The following FAM135B variants were observed in gnomAD, a reference collection of about 807,000 sequenced individuals.
The protein encoded by FAM135B is protein FAM135B.
FAM135B carries 43 observed loss-of-function variants against 127.7 expected under a neutral mutation model. The ratio of observed to expected loss-of-function variants is 0.34; its 90% CI spans 0.26 to 0.43. FAM135B has a LOEUF of 0.43. Among genes scored for constraint, FAM135B ranks in the 20% least tolerant of loss-of-function variants. The pLI, the probability that FAM135B is intolerant of heterozygous loss-of-function variation, is 1.00. For missense variants in FAM135B, 1,558 were observed against 1,725.6 expected (o/e 0.90, Z 1.72); for synonymous variants, 670 against 665.1 (o/e 1.01, Z -0.11).
At chr8:138,199,402 T>C (rs558328212) in intron 7 of FAM135B, among the ~76,000 whole-genome samples, 1 of 152,130 alleles carries the variant, frequency 6.6e-6, no homozygotes, top group Admixed American at 6.5e-5. Flanking sequence ...GCAATATCTG[T>C]GCAGCTGTAA....
intron 9 of FAM135B, among the ~76,000 whole-genome samples, chr8:138,180,330 T>C (rs2130996208): frequency 1.3e-5 from 2 of 152,310 alleles, no homozygotes; most frequent in South Asian, 4.1e-4. Context: ...CAATGGTGGA[T>C]ATTTCCACTC....
At chr8:138,155,360 A>G (rs1322349280) in intron 12 of FAM135B, among the ~76,000 whole-genome samples, 2 of 152,230 alleles carry the variant, frequency 1.3e-5, no homozygotes, top group African/African-American at 2.4e-5. Context: ...TGTAAAGACC[A>G]TCGATGCTGG....
intron 1 of FAM135B, among the ~76,000 whole-genome samples, chr8:138,392,535 C>G (rs982491766): frequency 6.6e-6 from 1 of 152,100 alleles, no homozygotes; most frequent in African/African-American, 2.4e-5. Flanking sequence ...CTCCCCACCC[C>G]CTCACCTTCT....
At chr8:138,227,887 T>G (rs1045437092) in intron 7 of FAM135B, among the ~76,000 whole-genome samples, 3 of 152,148 alleles carry the variant, frequency 2.0e-5, no homozygotes, top group Non-Finnish European at 4.4e-5. Context: ...CTTGCATAAT[T>G]GCAAGGTGAA....
chr8:138,257,004 A>G (rs991003436), intron 4 of FAM135B, among the ~76,000 whole-genome samples: 11 of 152,208 alleles, frequency 7.2e-5, no homozygotes, highest in African/African-American at 2.4e-4. Flanking sequence ...TCAGTTTGCA[A>G]AAAAAATGCT....
intron 3 of FAM135B, among the ~76,000 whole-genome samples, chr8:138,298,581 C>T (rs561912040): frequency 5.7e-4 from 87 of 152,186 alleles, no homozygotes; most frequent in African/African-American, 1.9e-3. Context: ...AAGAGGAACC[C>T]AGCAATGAGA....
chr8:138,299,086 A>C (rs1825683974), intron 3 of FAM135B, among the ~76,000 whole-genome samples: 2 of 148,174 alleles, frequency 1.3e-5, no homozygotes, highest in Admixed American at 6.8e-5. Flanking sequence ...TAAATAAATA[A>C]ATAAATAAAT....
chr8:138,462,531 G>A lies in FAM135B; in HGVS notation c.-20+34140C>T, dbSNP rs540961087. On this transcript the variant is annotated intron_variant, in intron 1 of 19. Coordinates refer to ENST00000395297, the MANE Select transcript of FAM135B (RefSeq NM_015912.4). Reference sequence around the variant, plus strand: ...CAACTCTCACCCAGAGGGTGTGCAGGTCCTAGAATGCTACCTGGAGTCACT... The same window carrying A: ...CAACTCTCACCCAGAGGGTGTGCAGATCCTAGAATGCTACCTGGAGTCACT... Among the ~76,000 whole-genome samples the A allele has an allele frequency of 6.6e-5, 10 of 152,224 alleles. No homozygotes were observed. In the East Asian group the frequency reaches 1.9e-3, roughly 30 times the overall value.
intron 6 of FAM135B, among the ~76,000 whole-genome samples, chr8:138,244,248 G>C (rs530278860): frequency 6.7e-6 from 1 of 148,604 alleles, no homozygotes; most frequent in South Asian, 2.2e-4. Flanking sequence ...GTAATACAAT[G>C]CAGGAAAACT....
chr8:138,152,228 G>A lies in FAM135B; in HGVS notation c.2247C>T (p.Ser749=), dbSNP rs1818231230. ...CCTCCTCAAAAGGTAAAGAGCTAATGGAGGTGAGAGAAGCCTGGATGCCGC... is the reference window on the plus strand; with the variant it reads ...CCTCCTCAAAAGGTAAAGAGCTAATAGAGGTGAGAGAAGCCTGGATGCCGC... ...LPSGIQASLT[S]ISSLPFEEDE... is the part of the protein sequence containing the mutation. The change falls in exon 13 of 20, where the codon TCC becomes TCT. Residue 749 remains serine, a synonymous_variant. Coordinates refer to ENST00000395297, the MANE Select transcript of FAM135B (RefSeq NM_015912.4). The A allele has an allele frequency of 1.2e-6, 2 of 1,614,010 alleles. No homozygotes were observed. The highest frequency in any genetic ancestry group is 1.7e-5 in the Admixed American group (1 of 60,000).
chr8:138,243,026 G>A lies in FAM135B; in HGVS notation c.585C>T (p.Gly195=), dbSNP rs181918011. ...PGRGSWLGKG[G]PDTGQEQSII... ...TAGACTGTTCTTGTCCGGTGTCTGG[G>A]CCACCTTTACCAAGCCAGGAGCCTC... Residue 195 remains glycine, a synonymous_variant, in exon 7 of 20, where the codon GGC becomes GGT. Transcript: ENST00000395297. The surrounding 1 kb of genome is among the most constrained non-coding windows in gnomAD (Gnocchi z 7.5). The A allele has an allele frequency of 1.3e-4, 204 of 1,613,576 alleles. No homozygotes were observed. Among genetic ancestry groups the A allele is most frequent in the Non-Finnish European group, 1.6e-4 (185 of 1,179,814 alleles).
chr8:138,442,237 CATATATATATATATAT>C (rs759993575), intron 1 of FAM135B, among the ~76,000 whole-genome samples: 14 of 51,914 alleles, frequency 2.7e-4, no homozygotes, highest in East Asian at 2.4e-3. Flanking sequence ...ATATGGACAC[CATATATATATATATAT>C]ATATATATAT....
chr8:138,239,941 T>C (rs979338565), intron 7 of FAM135B, among the ~76,000 whole-genome samples: 5 of 144,930 alleles, frequency 3.4e-5, no homozygotes, highest in Admixed American at 1.4e-4. Flanking sequence ...TAGGTAGGAA[T>C]TGAACAATGA....
At chr8:138,271,332 C>G (rs1823358609) in intron 3 of FAM135B, among the ~76,000 whole-genome samples, 1 of 152,170 alleles carries the variant, frequency 6.6e-6, no homozygotes, top group Admixed American at 6.5e-5. Flanking sequence ...TACCCTGCTG[C>G]ACATGGAGTA....
At chr8:138,396,874 G>T (rs1033748643) in intron 1 of FAM135B, among the ~76,000 whole-genome samples, 1 of 152,198 alleles carries the variant, frequency 6.6e-6, no homozygotes, top group African/African-American at 2.4e-5. Flanking sequence ...ACCTGCTTCT[G>T]CTTCAAAGGA....
rs924841749 is a variant in FAM135B, at chr8:138,131,896, A to G, written c.*697T>C. Reference sequence around the variant, plus strand: ...TTCTGGGGAAGTAGGTGGAGCAACTATTCATAGTTCAGTATGTCCCTAGAG... The same window carrying G: ...TTCTGGGGAAGTAGGTGGAGCAACTGTTCATAGTTCAGTATGTCCCTAGAG... On this transcript the variant is annotated 3_prime_UTR_variant, in exon 20 of 20. Transcript: ENST00000395297. 3 of 152,678 alleles carry G rather than the reference A, an allele frequency of 2.0e-5. No individual in the cohort carries two copies. The highest frequency in any genetic ancestry group is 4.8e-5 in the African/African-American group (2 of 41,440). The allele number at this position is 152,678 out of a possible 1,614,324, so 9.5% of individuals were successfully genotyped here. A position where few individuals can be genotyped will look rare whatever the true frequency, so the allele number is the denominator to read the frequency against.
At chr8:138,296,638 G>C (rs915786643) in intron 3 of FAM135B, among the ~76,000 whole-genome samples, 2 of 152,084 alleles carry the variant, frequency 1.3e-5, no homozygotes, top group Non-Finnish European at 2.9e-5. Context: ...TAGATAAGGA[G>C]TTTTTTATTT....
chr8:138,322,825 C>T (rs954586399), intron 2 of FAM135B, among the ~76,000 whole-genome samples: 3 of 152,164 alleles, frequency 2.0e-5, no homozygotes, highest in Non-Finnish European at 2.9e-5. Flanking sequence ...ACATAGCTAG[C>T]CCCCACCTGA....
intron 7 of FAM135B, among the ~76,000 whole-genome samples, chr8:138,224,664 G>T (rs1484278661): frequency 6.6e-6 from 1 of 152,178 alleles, no homozygotes; most frequent in African/African-American, 2.4e-5. Flanking sequence ...TTATGGACTT[G>T]ATGTTTGTGT....
Sources: allele counts gnomAD v4.1 joint callset (sites outside exome capture counted in the v4.1 genomes callset), GRCh38; gene constraint gnomAD v4.1.1; non-coding constraint Gnocchi (gnomAD v3.1); transcripts MANE v1.5; gene names NCBI Gene and HGNC (gene_info 2026-07-23, HGNC 2026-07-21).